The following ZCCHC7 variants were observed in gnomAD, a reference collection of about 807,000 sequenced individuals.
ZCCHC7 encodes the protein zinc finger CCHC-type containing 7, also known as zinc finger CCHC domain-containing protein 7.
In ZCCHC7, 35 loss-of-function variants were observed where a neutral mutation model predicts 52.0. The observed-to-expected ratio is 0.67, with a 90% CI of 0.51 to 0.89. The LOEUF (loss-of-function observed/expected upper bound fraction) is 0.89, where lower values mean the gene tolerates loss of function less well. Among genes scored for constraint, ZCCHC7 ranks in the 40% least tolerant of loss-of-function variants. The pLI, the probability that ZCCHC7 is intolerant of heterozygous loss-of-function variation, is 0.00. For synonymous variants in ZCCHC7, 217 were observed against 221.5 expected (o/e 0.98, Z 0.18); for missense variants, 574 against 649.1 (o/e 0.88, Z 1.26).
intron 5 of ZCCHC7, among the ~76,000 whole-genome samples, chr9:37,313,836 G>A (rs1425650891): frequency 6.6e-6 from 1 of 152,218 alleles, no homozygotes; most frequent in African/African-American, 2.4e-5. Flanking sequence ...TGTTAAGCCT[G>A]TGGAACTTGA....
At chr9:37,336,862 T>G (rs2118381141) in intron 6 of ZCCHC7, among the ~76,000 whole-genome samples, 1 of 152,278 alleles carries the variant, frequency 6.6e-6, no homozygotes, top group South Asian at 2.1e-4. Context: ...TCAAAGCTTG[T>G]GGTCCTTCTC....
chr9:37,180,522 C>T (rs866872227), intron 2 of ZCCHC7, among the ~76,000 whole-genome samples: 1 of 140,656 alleles, frequency 7.1e-6, no homozygotes, highest in African/African-American at 3.2e-5. Context: ...CTGAAAAAAA[C>T]GTCTTGTCTT....
At chr9:37,134,505 G>A (rs1016928701) in intron 2 of ZCCHC7, among the ~76,000 whole-genome samples, 1 of 151,978 alleles carries the variant, frequency 6.6e-6, no homozygotes, top group African/African-American at 2.4e-5. Flanking sequence ...TAAAAATTTG[G>A]TTTTCTTTTA....
intron 1 of ZCCHC7, among the ~76,000 whole-genome samples, chr9:37,123,005 A>G (rs559077774): frequency 2.6e-5 from 4 of 152,266 alleles, no homozygotes; most frequent in Non-Finnish European, 5.9e-5. Context: ...AGAAATGTGA[A>G]TCACTTCTAG....
chr9:37,232,295 A>T (rs1358300496), intron 2 of ZCCHC7, among the ~76,000 whole-genome samples: 2 of 152,176 alleles, frequency 1.3e-5, no homozygotes, highest in Non-Finnish European at 2.9e-5. Context: ...TGTCCATTTG[A>T]TTCTAAATTC....
At chr9:37,191,699 AACC>A (rs1823029232) in intron 2 of ZCCHC7, among the ~76,000 whole-genome samples, 6 of 152,216 alleles carry the variant, frequency 3.9e-5, no homozygotes, top group African/African-American at 1.4e-4. Flanking sequence ...CAGGCTGTTT[AACC>A]CTCTGTTAAT....
Position 37,126,860 on chromosome 9 carries a change from G to A in ZCCHC7, c.528G>A (p.Trp176Ter). Reference sequence around the variant, plus strand: ...CAGAAGGTGATAATGTGGAAAGCTGGATGCTACTGGGATGTGAAGTAGATG... The same window carrying A: ...CAGAAGGTGATAATGTGGAAAGCTGAATGCTACTGGGATGTGAAGTAGATG... Reference protein sequence around the residue: ...TISEGDNVESWMLLGCEVDDK... With the variant: ...TISEGDNVES Residue 176 changes from tryptophan (W) to a stop codon, truncating the protein, a stop_gained, in exon 2 of 9, where the codon TGG becomes TGA. Transcript: ENST00000336755. LOFTEE classifies it high-confidence loss of function. 6.2e-7 allele frequency: 1 copy of A among 1,614,180 alleles called. No individual in the cohort carries two copies.
chr9:37,182,400 G>A (rs1822409257), intron 2 of ZCCHC7, among the ~76,000 whole-genome samples: 1 of 147,882 alleles, frequency 6.8e-6, no homozygotes, highest in African/African-American at 2.5e-5. Flanking sequence ...TGCCTAGGCT[G>A]GATGTAGTTT....
rs1236122280 is a variant in ZCCHC7, at chr9:37,121,157, C to G, written c.-22+534C>G. On this transcript the variant is annotated intron_variant, in intron 1 of 8. Transcript: ENST00000336755. ...TTTACTAAGGCGCCCTTTATCCCTC[C>G]CATCCTGTGAGCGGACAGTTGCCTT... Among the ~76,000 whole-genome samples the G allele has an allele frequency of 4.6e-5, 7 of 152,176 alleles. No homozygotes were observed. In the South Asian group the frequency reaches 1.2e-3, roughly 27 times the overall value.
intron 2 of ZCCHC7, among the ~76,000 whole-genome samples, chr9:37,234,557 T>G (rs1363334423): frequency 6.6e-6 from 1 of 152,178 alleles, no homozygotes; most frequent in Non-Finnish European, 1.5e-5. Context: ...ATAGGGTGGT[T>G]AACCATCCCT....
intron 2 of ZCCHC7, among the ~76,000 whole-genome samples, chr9:37,205,999 T>C (rs534493643): frequency 2.6e-5 from 4 of 152,308 alleles, no homozygotes; most frequent in Non-Finnish European, 5.9e-5. Flanking sequence ...ATTAAATGTT[T>C]CTCTTTATTC....
chr9:37,262,744 T>TTA (rs1826927295), intron 2 of ZCCHC7, among the ~76,000 whole-genome samples: 1 of 152,230 alleles, frequency 6.6e-6, no homozygotes, highest in Non-Finnish European at 1.5e-5. Flanking sequence ...CTGTAGCTCC[T>TTA]TACTTTTCAT....
At chr9:37,284,153 C>G (rs1427447946) in intron 2 of ZCCHC7, 1 of 151,936 alleles carries the variant, frequency 6.6e-6, no homozygotes. Context: ...CCTGTGGTCC[C>G]CATACTTGTA....
intron 2 of ZCCHC7, among the ~76,000 whole-genome samples, chr9:37,287,602 G>GA (rs1828313824): frequency 6.6e-6 from 1 of 152,038 alleles, no homozygotes; most frequent in Non-Finnish European, 1.5e-5. Flanking sequence ...AGCAATATCT[G>GA]AAAAGGAAGT....
chr9:37,156,607 T>C (rs781664131), intron 2 of ZCCHC7, among the ~76,000 whole-genome samples: 7 of 152,222 alleles, frequency 4.6e-5, no homozygotes, highest in Non-Finnish European at 1.0e-4. Flanking sequence ...GACTTTTGGC[T>C]GAAACTATTA....
At chr9:37,262,098 T>C (rs1826892660) in intron 2 of ZCCHC7, among the ~76,000 whole-genome samples, 1 of 152,126 alleles carries the variant, frequency 6.6e-6, no homozygotes. Context: ...TGGTTGACAA[T>C]AGCAATCTGT....
intron 2 of ZCCHC7, among the ~76,000 whole-genome samples, chr9:37,232,088 AATT>A (rs1285563985): frequency 1.3e-5 from 2 of 152,112 alleles, no homozygotes; most frequent in Non-Finnish European, 1.5e-5. Context: ...ATTTTTCTTA[AATT>A]ATTTAAAGGA....
intron 6 of ZCCHC7, among the ~76,000 whole-genome samples, chr9:37,348,351 T>G (rs199634018): frequency 2.2e-4 from 15 of 68,524 alleles, no homozygotes; most frequent in East Asian, 6.7e-4. Flanking sequence ...CAGTTCGTTC[T>G]TTCTTTCTTT....
intron 2 of ZCCHC7, among the ~76,000 whole-genome samples, chr9:37,237,532 TCTC>T (rs1825707647): frequency 6.6e-6 from 1 of 152,186 alleles, no homozygotes; most frequent in South Asian, 2.1e-4. Flanking sequence ...ATATATTTCA[TCTC>T]CTTAACCGTA....
Sources: allele counts gnomAD v4.1 joint callset (sites outside exome capture counted in the v4.1 genomes callset), GRCh38; gene constraint gnomAD v4.1.1; transcripts MANE v1.5; gene names NCBI Gene and HGNC (gene_info 2026-07-23, HGNC 2026-07-21).